The following APP variants were observed in gnomAD, a reference collection of about 807,000 sequenced individuals.
APP encodes the protein amyloid beta precursor protein.
In APP, 31 loss-of-function variants were observed where a neutral mutation model predicts 101.4. That is an observed-to-expected ratio of 0.31 (90% CI 0.23 to 0.41). The LOEUF is 0.41. Among genes scored for constraint, APP ranks in the 10% least tolerant of loss-of-function variants. The pLI is 1.00. For synonymous variants in APP, 366 were observed against 364.4 expected (o/e 1.00, Z -0.05); for missense variants, 839 against 1,003.7 (o/e 0.84, Z 2.22).
At chr21:25,916,116 T>C (rs910855049) in intron 13 of APP, among the ~76,000 whole-genome samples, 1 of 152,178 alleles carries the variant, frequency 6.6e-6, no homozygotes, top group Admixed American at 6.5e-5. Flanking sequence ...GCGATTCTCC[T>C]GCCTCAGTCC....
intron 11 of APP, among the ~76,000 whole-genome samples, chr21:25,971,548 T>A (rs553696113): frequency 4.0e-4 from 61 of 152,306 alleles, no homozygotes; most frequent in Non-Finnish European, 7.6e-4. Flanking sequence ...GTAGTTGTAA[T>A]TCACAGGACA....
chr21:25,908,692 T>TA (rs11452565), intron 14 of APP, among the ~76,000 whole-genome samples: 131,076 of 145,784 alleles, frequency 0.9, 58,861 homozygotes, highest in Non-Finnish European at 0.91. Context: ...CTGGCTCCAT[T>TA]AAAAAAAAAA....
At chr21:25,899,969 C>A (rs1406968912) in intron 15 of APP, among the ~76,000 whole-genome samples, 1 of 152,124 alleles carries the variant, frequency 6.6e-6, no homozygotes, top group East Asian at 1.9e-4. Context: ...AATGACCTAA[C>A]CCTCAACCCC....
rs553853354 is a variant in APP, at chr21:25,945,380, C to CTTTTTTTTTTTTTTTT, written c.1687+9194_1687+9209dup. On this transcript the variant is annotated intron_variant, in intron 13 of 17. Transcript: ENST00000346798. ...ATCTACAGATCCAATGCAATCCGCA[C>CTTTTTTTTTTTTTTTT]TTTTTTTTTTTTTTTTTTTTTTGCA... 15 of 75,620 alleles carry CTTTTTTTTTTTTTTTT rather than the reference C, an allele frequency of 2.0e-4. 2 individuals carry two copies. The highest frequency in any genetic ancestry group is 5.4e-4 in the African/African-American group (11 of 20,466). 4.7% of individuals were successfully genotyped at this position (75,620 alleles called of 1,614,324 possible). A position where few individuals can be genotyped will look rare whatever the true frequency, so the allele number is the denominator to read the frequency against.
At chr21:26,102,085 T>G (rs991731403) in intron 2 of APP, among the ~76,000 whole-genome samples, 5 of 69,372 alleles carry the variant, frequency 7.2e-5, no homozygotes, top group South Asian at 1.1e-3. Context: ...CTATGTGGTT[T>G]TTTTTTTTTT....
chr21:25,935,319 T>C (rs933321991), intron 13 of APP: 2 of 152,228 alleles, frequency 1.3e-5, no homozygotes, highest in Admixed American at 1.3e-4. Context: ...AAATCTCCAG[T>C]AGTCTAAAAG....
intron 14 of APP, among the ~76,000 whole-genome samples, chr21:25,908,324 A>G (rs1452370269): frequency 6.6e-6 from 1 of 152,254 alleles, no homozygotes; most frequent in Non-Finnish European, 1.5e-5. Flanking sequence ...ATGTAAATTT[A>G]AAAAATGGGC....
intron 9 of APP, among the ~76,000 whole-genome samples, chr21:25,977,531 C>T (rs1315559951): frequency 6.6e-6 from 1 of 152,140 alleles, no homozygotes; most frequent in East Asian, 1.9e-4. Flanking sequence ...AGATAGAAGA[C>T]TTCTATGAGA....
At chr21:26,140,494 G>C in intron 1 of APP, 1 of 633,006 alleles carries the variant, frequency 1.6e-6, no homozygotes, top group South Asian at 3.4e-5. Flanking sequence ...TCCTTTTGTA[G>C]GATTTTCTTG....
intron 13 of APP, among the ~76,000 whole-genome samples, chr21:25,946,471 G>T (rs2040826097): frequency 6.6e-6 from 1 of 152,100 alleles, no homozygotes; most frequent in Admixed American, 6.6e-5. Context: ...TTTGAGACCA[G>T]CCTGGGAAAC....
intron 15 of APP, chr21:25,897,997 A>G (rs762447230): frequency 8.5e-5 from 32 of 375,024 alleles, no homozygotes; most frequent in Non-Finnish European, 1.6e-4. Flanking sequence ...TTCCTGGAAT[A>G]TGTTGGCTTG....
intron 13 of APP, among the ~76,000 whole-genome samples, chr21:25,912,352 G>T (rs1414359075): frequency 4.6e-5 from 7 of 152,176 alleles, no homozygotes. Flanking sequence ...GCTTTGGTGT[G>T]GCGGCAGTAA....
chr21:26,020,043 TC>T (rs2044270403), intron 6 of APP, among the ~76,000 whole-genome samples: 1 of 152,170 alleles, frequency 6.6e-6, no homozygotes, highest in Admixed American at 6.5e-5. Flanking sequence ...TTCTTTTTTT[TC>T]AAAGAACATG....
chr21:25,979,608 A>G (rs1266689901), intron 9 of APP, among the ~76,000 whole-genome samples: 2 of 152,336 alleles, frequency 1.3e-5, no homozygotes, highest in East Asian at 3.9e-4. Context: ...TATCAGATAT[A>G]TCTGATGACT....
At chr21:26,094,863 T>C (rs980704108) in intron 2 of APP, among the ~76,000 whole-genome samples, 1 of 151,978 alleles carries the variant, frequency 6.6e-6, no homozygotes, top group East Asian at 1.9e-4. Context: ...ATTTTTTTTT[T>C]GAGATGGACT....
At chr21:25,935,984 G>C (rs56225010) in intron 13 of APP, among the ~76,000 whole-genome samples, 1 of 152,150 alleles carries the variant, frequency 6.6e-6, no homozygotes, top group Non-Finnish European at 1.5e-5. Flanking sequence ...CTTAGGTGCA[G>C]AAACAGGAGA....
At chr21:25,915,074 C>A (rs561554813) in intron 13 of APP, among the ~76,000 whole-genome samples, 1 of 152,322 alleles carries the variant, frequency 6.6e-6, no homozygotes, top group South Asian at 2.1e-4. Context: ...TTAATTCCAA[C>A]TCCTTTGCCA....
intron 8 of APP, among the ~76,000 whole-genome samples, chr21:25,996,812 T>C (rs1026983983): frequency 6.6e-6 from 1 of 152,208 alleles, no homozygotes; most frequent in Non-Finnish European, 1.5e-5. Flanking sequence ...AAGTCCTGTA[T>C]AGCAGCACCT....
intron 2 of APP, among the ~76,000 whole-genome samples, chr21:26,094,039 C>T (rs1386090972): frequency 6.6e-6 from 1 of 151,682 alleles, no homozygotes; most frequent in African/African-American, 2.4e-5. Context: ...TCGCAGGAAC[C>T]CAGGAAGCGG....
Sources: allele counts gnomAD v4.1 joint callset (sites outside exome capture counted in the v4.1 genomes callset), GRCh38; gene constraint gnomAD v4.1.1; transcripts MANE v1.5; gene names NCBI Gene and HGNC (gene_info 2026-07-23, HGNC 2026-07-21).